ADPGK: variants seen among roughly 807,000 people sequenced by gnomAD.
ADPGK encodes ADP dependent glucokinase.
ADPGK carries 26 observed loss-of-function variants against 42.4 expected under a neutral mutation model. The observed-to-expected ratio is 0.61, with a 90% CI of 0.45 to 0.85. The LOEUF is 0.85. Among genes scored for constraint, ADPGK ranks in the 40% least tolerant of loss-of-function variants. ADPGK has a pLI of 0.00. For missense variants in ADPGK, 571 were observed against 627.0 expected, an observed-to-expected ratio of 0.91 and a Z score of 0.95; for synonymous variants, 267 against 252.6, an observed-to-expected ratio of 1.06 and a Z score of -0.54.
intron 3 of ADPGK, among the ~76,000 whole-genome samples, chr15:72,765,249 A>T (rs974931961): frequency 3.3e-5 from 5 of 152,142 alleles, no homozygotes; most frequent in Non-Finnish European, 2.9e-5. Context: ...CCTGGGTTCA[A>T]GTGATTCTTG....
rs530727241 is a variant in ADPGK, at chr15:72,778,551, G to GA, written c.234-3455dup. Among the ~76,000 whole-genome samples, 134 of 152,242 alleles carry GA rather than the reference G, an allele frequency of 8.8e-4. 1 individual carries two copies. The highest frequency in any genetic ancestry group is 3.4e-3 in the Middle Eastern group (1 of 294). On this transcript the variant is annotated intron_variant, in intron 1 of 6. Coordinates refer to ENST00000456471, the MANE Select transcript of ADPGK (RefSeq NM_001365225.1). ...CTGTGATTTTGGAGAAAACACAGAT[G>GA]AAACAACTAGAAAATAGGTCAAGAC...
chr15:72,770,559 C>T (rs1057472076), intron 3 of ADPGK, among the ~76,000 whole-genome samples: 9 of 152,212 alleles, frequency 5.9e-5, no homozygotes, highest in Non-Finnish European at 5.9e-5. Context: ...CCTTTTCTTC[C>T]ACCCATTAGC....
chr15:72,753,515 T>C (rs183654430), intron 6 of ADPGK, among the ~76,000 whole-genome samples: 53 of 152,340 alleles, frequency 3.5e-4, no homozygotes, highest in Non-Finnish European at 7.1e-4. Context: ...CCTGTCTTTC[T>C]TACTTAGCAC....
At position 72,760,528 on chromosome 15, in the gene ADPGK, C is replaced by G. The variant is rs2066179252; in HGVS notation, c.523-1G>C. ...GACCAACTGGACCGCAAAGAAGAAC[C>G]TGGAGGCAAGCAACACGAAGTCCAT... On this transcript the variant is annotated splice_acceptor_variant, in intron 3 of 6. Transcript: ENST00000456471. LOFTEE classifies it high-confidence loss of function. 6.3e-7 allele frequency: 1 copy of G among 1,597,196 alleles called. No homozygotes were observed. The highest frequency in any genetic ancestry group is 8.6e-7 in the Non-Finnish European group (1 of 1,166,852).
At chr15:72,756,046 G>A in intron 5 of ADPGK, 1 of 707,470 alleles carries the variant, frequency 1.4e-6, no homozygotes, top group South Asian at 1.5e-5. Context: ...AAGATGTTCT[G>A]CCCTGTCCTA....
chr15:72,769,598 C>T (rs759885517), intron 3 of ADPGK, among the ~76,000 whole-genome samples: 4 of 152,188 alleles, frequency 2.6e-5, no homozygotes, highest in Non-Finnish European at 4.4e-5. Flanking sequence ...CCGCCTGCCT[C>T]GGCCTCCCAA....
In ADPGK at chr15:72,752,810, GAA is replaced by G. The variant is rs1320761115; in HGVS notation, c.1023_1024del (p.Ser344PhefsTer7). On this transcript the variant is annotated frameshift_variant, in exon 7 of 7. Coordinates refer to ENST00000456471, the MANE Select transcript of ADPGK (RefSeq NM_001365225.1). LOFTEE classifies it high-confidence loss of function. ...AGGAACACCGTTCCAGGAAGAGAGA[GAA>G]GAGTGAGGTCCAGAGGCTGACTGGG... is the stretch of plus-strand genomic sequence containing the variant. 9 of 1,614,228 alleles carry G rather than the reference GAA, an allele frequency of 5.6e-6. No homozygotes were observed. Among genetic ancestry groups the G allele is most frequent in the Non-Finnish European group, 6.8e-6 (8 of 1,180,046 alleles).
chr15:72,772,847 T>C (rs2066345283), intron 2 of ADPGK, among the ~76,000 whole-genome samples: 1 of 152,086 alleles, frequency 6.6e-6, no homozygotes, highest in Non-Finnish European at 1.5e-5. Context: ...TAATTCAAGG[T>C]TGGTGTTCCA....
chr15:72,755,301 T>C (rs2066097028), intron 6 of ADPGK, among the ~76,000 whole-genome samples: 1 of 152,246 alleles, frequency 6.6e-6, no homozygotes, highest in Non-Finnish European at 1.5e-5. Flanking sequence ...ACTTTCAACT[T>C]TTCCATTCCA....
In ADPGK at chr15:72,783,643, C is replaced by G; in HGVS notation, c.49G>C (p.Val17Leu). 6.6e-7 allele frequency: 1 copy of G among 1,510,538 alleles called. No homozygotes were observed. Among genetic ancestry groups the G allele is most frequent in the Non-Finnish European group, 8.8e-7 (1 of 1,137,204 alleles). 93.6% of individuals were successfully genotyped at this position (1,510,538 alleles called of 1,614,324 possible). A position where few individuals can be genotyped will look rare whatever the true frequency, so the allele number is the denominator to read the frequency against. ...SAYAGFLALA[V>L]GCVFLLEPEL... is the part of the protein sequence containing the mutation. The stretch of plus-strand genomic sequence containing the variant: ...GGCTCCAGCAGGAAGACGCAGCCCA[C>G]GGCCAGCGCCAGGAAGCCCGCGTAC... Residue 17 changes from valine to leucine, a missense_variant, in exon 1 of 7, where the codon GTG (valine) becomes CTG (leucine). Transcript: ENST00000456471.
At chr15:72,772,787 G>A (rs1318535703) in intron 2 of ADPGK, among the ~76,000 whole-genome samples, 1 of 152,162 alleles carries the variant, frequency 6.6e-6, no homozygotes, top group African/African-American at 2.4e-5. Flanking sequence ...ATATAGGACA[G>A]TACTTTCCCT....
chr15:72,776,377 C>G (rs1415616448), intron 1 of ADPGK, among the ~76,000 whole-genome samples: 2 of 152,170 alleles, frequency 1.3e-5, no homozygotes, highest in African/African-American at 4.8e-5. Flanking sequence ...ACACAGGCAG[C>G]TCCCAGCCGG....
intron 1 of ADPGK, 36 bp from the exon 2 acceptor site, chr15:72,775,133 A>G (rs2066375822): frequency 6.4e-7 from 1 of 1,565,134 alleles, no homozygotes; most frequent in South Asian, 1.1e-5. Flanking sequence ...AAAGCAGCAG[A>G]AGCACCAAGT....
In ADPGK at chr15:72,783,683, C is replaced by T. The variant is rs1448394685; in HGVS notation, c.9G>A (p.Leu3=). ...AGCCCGCGTACGCGGAGCCGCGCCACAGCGCCATGGGGACCCAGGCGCCGC... is the reference window on the plus strand; with the variant it reads ...AGCCCGCGTACGCGGAGCCGCGCCATAGCGCCATGGGGACCCAGGCGCCGC... MA[L]WRGSAYAGFL... Residue 3 remains leucine, a synonymous_variant, in exon 1 of 7, where the codon CTG becomes CTA. Transcript: ENST00000456471. 1.3e-6 allele frequency: 2 copies of T among 1,496,194 alleles called. No homozygotes were observed. The highest frequency in any genetic ancestry group is 1.8e-6 in the Non-Finnish European group (2 of 1,129,604). 92.7% of individuals were successfully genotyped at this position (1,496,194 alleles called of 1,614,324 possible).
Position 72,775,030 on chromosome 15 carries a change from C to T in ADPGK, c.301G>A (p.Gly101Arg). ...KLLQALGLSPGNGKDHSILHS... is the reference protein window; with the variant it reads ...KLLQALGLSPRNGKDHSILHS... The stretch of plus-strand genomic sequence containing the variant: ...AGAATGCTGTGATCTTTCCCATTCC[C>T]AGGACTAAGGCCAAGTGCCTGCAAG... Residue 101 changes from glycine to arginine, a missense_variant, in exon 2 of 7, where the codon GGG becomes AGG. Gly to Arg is a moderately radical substitution (Grantham distance 125). Coordinates refer to ENST00000456471, the MANE Select transcript of ADPGK (RefSeq NM_001365225.1). 1 of 1,614,150 alleles carries T rather than the reference C, an allele frequency of 6.2e-7. No homozygotes were observed. The highest frequency in any genetic ancestry group is 8.5e-7 in the Non-Finnish European group (1 of 1,180,022).
intron 3 of ADPGK, among the ~76,000 whole-genome samples, chr15:72,771,359 A>G (rs2151086865): frequency 6.6e-6 from 1 of 152,272 alleles, no homozygotes; most frequent in African/African-American, 2.4e-5. Context: ...TATAATCCTT[A>G]GTCTCAAGGC....
intron 3 of ADPGK, among the ~76,000 whole-genome samples, chr15:72,763,856 G>A (rs963815459): frequency 2.6e-5 from 4 of 152,118 alleles, no homozygotes; most frequent in Non-Finnish European, 1.5e-5. Context: ...ACATTTCAAA[G>A]GTTTTCATTA....
chr15:72,775,476 C>T (rs2066380511), intron 1 of ADPGK, among the ~76,000 whole-genome samples: 1 of 152,186 alleles, frequency 6.6e-6, no homozygotes, highest in African/African-American at 2.4e-5. Flanking sequence ...TTTCTCTGTG[C>T]CTCGGTTTCC....
At chr15:72,774,756 G>T in intron 2 of ADPGK, 116 bp downstream of exon 2, 1 of 841,264 alleles carries the variant, frequency 1.2e-6, no homozygotes, top group Non-Finnish European at 1.8e-6. Flanking sequence ...AACCAGGGGT[G>T]ATTTTGCTCC....
Sources: gnomAD v4.1 joint callset for allele counts (sites outside exome capture counted in the v4.1 genomes callset) on GRCh38, gnomAD v4.1.1 for gene constraint, MANE v1.5 for transcripts, NCBI Gene and HGNC (gene_info 2026-07-23, HGNC 2026-07-21) for gene names.